KLRG1: variants seen among roughly 807,000 people sequenced by gnomAD.
The protein encoded by KLRG1 is killer cell lectin like receptor G1.
KLRG1 carries 16 observed loss-of-function variants against 21.8 expected under a neutral mutation model. The ratio of observed to expected loss-of-function variants is 0.73; its 90% CI spans 0.50 to 1.11. The LOEUF is 1.11. KLRG1 is among the 50% of genes most tolerant of loss of function. The probability of loss-of-function intolerance (pLI) is 0.00; values close to 1 mark genes in which losing one functional copy is unlikely to be tolerated. For missense variants in KLRG1, 173 were observed against 218.3 expected (o/e 0.79, Z 1.31); for synonymous variants, 69 against 75.9 (o/e 0.91, Z 0.47).
chr12:9,032,453 T>C, the KLRG1 span, among the ~76,000 whole-genome samples: 1 of 152,218 alleles, frequency 6.6e-6, no homozygotes, highest in African/African-American at 2.4e-5. Flanking sequence ...TCTTCGGTGA[T>C]TCCTCAGTGT....
At chr12:9,153,049 G>A in the KLRG1 span, 7 of 1,604,290 alleles carry the variant, frequency 4.4e-6, no homozygotes, top group Non-Finnish European at 6.0e-6. Context: ...ACTTTCCCAG[G>A]AAGGAAGGAA....
the KLRG1 span, chr12:9,072,647 T>A: frequency 9.3e-6 from 15 of 1,613,748 alleles, no homozygotes; most frequent in Non-Finnish European, 1.3e-5. Flanking sequence ...TGCCCAAGAG[T>A]CTCACCTGGA....
At chr12:9,159,795 C>G in the KLRG1 span, 1 of 724,024 alleles carries the variant, frequency 1.4e-6, no homozygotes, top group Non-Finnish European at 2.2e-6. Context: ...GCCTTCATAG[C>G]TATAAGAAAT....
chr12:9,076,041 T>A, the KLRG1 span, among the ~76,000 whole-genome samples: 1 of 152,356 alleles, frequency 6.6e-6, no homozygotes, highest in South Asian at 2.1e-4. Context: ...ACCGCTCATA[T>A]AGACCATGGT....
At chr12:9,087,319 A>G in the KLRG1 span, among the ~76,000 whole-genome samples, 3,333 of 152,312 alleles carry the variant, frequency 0.022, 129 homozygotes, top group African/African-American at 0.076. Context: ...ATAGAATTCC[A>G]TTCCATTTTA....
the KLRG1 span, among the ~76,000 whole-genome samples, chr12:9,186,488 G>T: frequency 6.6e-6 from 1 of 152,150 alleles, no homozygotes; most frequent in African/African-American, 2.4e-5. Flanking sequence ...AGACTCAGTG[G>T]TATGCCGTCT....
chr12:9,157,260 C>A, the KLRG1 span: 11 of 1,614,046 alleles, frequency 6.8e-6, no homozygotes, highest in East Asian at 1.1e-4. Flanking sequence ...CATAGGCCAG[C>A]AATGCCTTGG....
At chr12:9,203,951 C>T in the KLRG1 span, 1 of 1,604,934 alleles carries the variant, frequency 6.2e-7, no homozygotes, top group Non-Finnish European at 8.5e-7. Context: ...CCATATACTG[C>T]CTGGGAAAGG....
At chr12:9,037,746 T>A in the KLRG1 span, among the ~76,000 whole-genome samples, 1 of 152,186 alleles carries the variant, frequency 6.6e-6, no homozygotes, top group African/African-American at 2.4e-5. Flanking sequence ...TATGTTTAGA[T>A]ACATTTAGAT....
the KLRG1 span, among the ~76,000 whole-genome samples, chr12:9,122,392 T>C: frequency 6.6e-6 from 1 of 152,206 alleles, no homozygotes. Flanking sequence ...AGAACTTTCA[T>C]TTTAGAGAGT....
At chr12:9,153,893 C>T in the KLRG1 span, among the ~76,000 whole-genome samples, 5 of 152,202 alleles carry the variant, frequency 3.3e-5, no homozygotes, top group African/African-American at 4.8e-5. Flanking sequence ...ATCATTTATA[C>T]TCTCGATAAA....
At chr12:9,132,154 A>G in the KLRG1 span, among the ~76,000 whole-genome samples, 2 of 152,222 alleles carry the variant, frequency 1.3e-5, no homozygotes, top group Admixed American at 6.5e-5. Context: ...GAAGGTCTGC[A>G]TGTTAAGGAA....
chr12:9,111,966 C>G, the KLRG1 span: 1 of 754,398 alleles, frequency 1.3e-6, no homozygotes, highest in Non-Finnish European at 2.5e-6. Context: ...GTACCAGCAC[C>G]AAGACAGAAA....
the KLRG1 span, among the ~76,000 whole-genome samples, chr12:9,049,674 C>T: frequency 1.3e-5 from 2 of 151,898 alleles, no homozygotes; most frequent in Non-Finnish European, 2.9e-5. Context: ...TTATTTTTTA[C>T]GAGATTTTTA....
the KLRG1 span, chr12:9,194,359 C>G: frequency 1.2e-6 from 1 of 818,068 alleles, no homozygotes; most frequent in African/African-American, 1.7e-5. Context: ...AAAAACCCCA[C>G]CAAACCTTCA....
intron 1 of KLRG1, among the ~76,000 whole-genome samples, chr12:8,965,286 A>T (rs1286613397): frequency 6.6e-6 from 1 of 152,196 alleles, no homozygotes; most frequent in Admixed American, 6.5e-5. Context: ...CAAGACAGGG[A>T]TGCCCTCTCT....
chr12:8,974,153 TTTTG>T (rs760154228), intron 1 of KLRG1, among the ~76,000 whole-genome samples: 30 of 149,346 alleles, frequency 2.0e-4, no homozygotes, highest in African/African-American at 4.1e-4. Context: ...TTTTTTGTTT[TTTTG>T]TTTGTTTGTT....
At chr12:8,959,601 G>A (rs1431803903) in intron 1 of KLRG1, among the ~76,000 whole-genome samples, 1 of 152,110 alleles carries the variant, frequency 6.6e-6, no homozygotes, top group East Asian at 1.9e-4. Flanking sequence ...TAAACTCTTT[G>A]CTGCAACACC....
chr12:9,036,837 C>T, the KLRG1 span: 1 of 428,510 alleles, frequency 2.3e-6, no homozygotes. Context: ...TGCTGGGTAC[C>T]AGATGACCAC....
Sources: allele counts gnomAD v4.1 joint callset (sites outside exome capture counted in the v4.1 genomes callset), GRCh38; gene constraint gnomAD v4.1.1; transcripts MANE v1.5; gene names NCBI Gene and HGNC (gene_info 2026-07-23, HGNC 2026-07-21).